The following SCARB1 variants were observed in gnomAD, a reference collection of about 807,000 sequenced individuals.
SCARB1 encodes scavenger receptor class B member 1.
A neutral mutation model predicts 57.2 loss-of-function variants in SCARB1; 30 were observed. The ratio of observed to expected loss-of-function variants is 0.52; its 90% CI spans 0.39 to 0.71. SCARB1 has a LOEUF of 0.71. Ranked by LOEUF, SCARB1 falls within the 30% of genes least tolerant of loss-of-function variation. The pLI is 0.00. For synonymous variants in SCARB1, 249 were observed against 268.3 expected (o/e 0.93, Z 0.70); for missense variants, 543 against 671.2 (o/e 0.81, Z 2.11).
intron 11 of SCARB1, chr12:124,785,260 C>T (rs1290688067): frequency 2.0e-5 from 3 of 152,544 alleles, no homozygotes; most frequent in African/African-American, 7.2e-5. Flanking sequence ...ATGCCTCTGT[C>T]ACTCCCAGAA....
intron 11 of SCARB1, 40 bp from the exon 12 acceptor site, chr12:124,782,851 C>G: frequency 6.2e-7 from 1 of 1,612,132 alleles, no homozygotes; most frequent in South Asian, 1.1e-5. Flanking sequence ...GACGTTGAAG[C>G]CACATAAAAA....
intron 1 of SCARB1, among the ~76,000 whole-genome samples, chr12:124,854,055 G>A (rs1348275410): frequency 6.6e-6 from 1 of 152,216 alleles, no homozygotes; most frequent in Non-Finnish European, 1.5e-5. Context: ...ATTCTCATGG[G>A]GAGAAATAGA....
intron 1 of SCARB1, among the ~76,000 whole-genome samples, chr12:124,833,434 C>T (rs764743449): frequency 6.6e-6 from 1 of 152,170 alleles, no homozygotes; most frequent in Non-Finnish European, 1.5e-5. Context: ...AAAAATCTCC[C>T]ACCTTGGCCT....
At chr12:124,811,504 C>G (rs1950525926) in intron 5 of SCARB1, among the ~76,000 whole-genome samples, 1 of 152,162 alleles carries the variant, frequency 6.6e-6, no homozygotes, top group Non-Finnish European at 1.5e-5. Flanking sequence ...AACTCCTGAC[C>G]TCAGGTGATC....
chr12:124,826,409 T>C (rs1951165306), intron 1 of SCARB1, among the ~76,000 whole-genome samples: 1 of 151,728 alleles, frequency 6.6e-6, no homozygotes, highest in Non-Finnish European at 1.5e-5. Context: ...ATCATTTCAC[T>C]ATGTGTGTGT....
rs1872728704 is a variant in SCARB1, at chr12:124,778,488, C to A, written c.*99G>T. On this transcript the variant is annotated 3_prime_UTR_variant, in exon 13 of 13. Coordinates refer to ENST00000261693, the MANE Select transcript of SCARB1 (RefSeq NM_005505.5). ...AGGCTCAGGCTGTGGGGCTGGGGGG[C>A]TGTCCGCTGGGAGAGTCCGGGAGAA... is the stretch of plus-strand genomic sequence containing the variant. The A allele has an allele frequency of 7.4e-7, 1 of 1,347,884 alleles. No homozygotes were observed. Among genetic ancestry groups the A allele is most frequent in the Non-Finnish European group, 9.5e-7 (1 of 1,047,688 alleles). The allele number at this position is 1,347,884 out of a possible 1,614,324, so 83.5% of individuals were successfully genotyped here.
chr12:124,799,613 A>G (rs970679761), intron 8 of SCARB1, among the ~76,000 whole-genome samples: 3 of 152,136 alleles, frequency 2.0e-5, no homozygotes, highest in African/African-American at 7.2e-5. Context: ...TTCTGAATCA[A>G]TGGTAGCAGC....
intron 1 of SCARB1, among the ~76,000 whole-genome samples, chr12:124,845,225 C>T (rs987126327): frequency 9.8e-5 from 15 of 152,302 alleles, no homozygotes; most frequent in African/African-American, 3.6e-4. Flanking sequence ...AGCCCAGACG[C>T]CCATCCACAG....
At chr12:124,786,223 C>A (rs745561499) in intron 11 of SCARB1, 134 bp downstream of exon 11, 1 of 1,598,226 alleles carries the variant, frequency 6.3e-7, no homozygotes. Context: ...GCTCCCACTC[C>A]GGCAGAGACG....
intron 1 of SCARB1, among the ~76,000 whole-genome samples, chr12:124,849,166 T>C (rs1774407708): frequency 6.6e-6 from 1 of 152,204 alleles, no homozygotes; most frequent in African/African-American, 2.4e-5. Flanking sequence ...AAAGTCCATA[T>C]GCTGGGGTCC....
Position 124,817,353 on chromosome 12 carries a change from TAAAAAAAAA to T in SCARB1, c.284+188_284+196del, listed in dbSNP as rs60063887. Among the ~76,000 whole-genome samples the T allele has an allele frequency of 1.3e-3, 90 of 68,772 alleles. No individual in the cohort carries two copies. The highest frequency in any genetic ancestry group is 2.1e-3 in the Non-Finnish European group (77 of 37,542). The allele number at this position is 68,772 out of a possible 152,430, so 45.1% of individuals were successfully genotyped here. ...GGGCAACATAGCAAGATCCCATCTCTAAAAAAAAAAAAAAAAAAAAAAAAAACCCTAAAA... is the reference window on the plus strand; with the variant it reads ...GGGCAACATAGCAAGATCCCATCTCTAAAAAAAAAAAAAAAAACCCTAAAA... On this transcript the variant is annotated intron_variant, in intron 2 of 12. Transcript: ENST00000261693. The surrounding 1 kb of genome is among the most constrained non-coding windows in gnomAD (Gnocchi z 4.8).
chr12:124,782,047 A>G (rs1873581532), intron 12 of SCARB1, among the ~76,000 whole-genome samples: 1 of 152,140 alleles, frequency 6.6e-6, no homozygotes, highest in Non-Finnish European at 1.5e-5. Flanking sequence ...CTGGGATTAC[A>G]AGCGTGTGCC....
At chr12:124,823,378 T>C (rs1482901767) in intron 1 of SCARB1, among the ~76,000 whole-genome samples, 1 of 152,202 alleles carries the variant, frequency 6.6e-6, no homozygotes, top group African/African-American at 2.4e-5. Flanking sequence ...AACAAGCTCA[T>C]GAAAAGGTGC....
intron 1 of SCARB1, among the ~76,000 whole-genome samples, chr12:124,847,404 T>C (rs1283192013): frequency 6.6e-6 from 1 of 152,202 alleles, no homozygotes; most frequent in Non-Finnish European, 1.5e-5. Flanking sequence ...GGCACAAGAA[T>C]TTCCACAAGG....
At chr12:124,831,889 G>T (rs115120647) in intron 1 of SCARB1, among the ~76,000 whole-genome samples, 317 of 152,254 alleles carry the variant, frequency 2.1e-3, no homozygotes, top group African/African-American at 7.1e-3. Flanking sequence ...CAGCAGAGGG[G>T]CGTCCTGCAA....
Position 124,833,193 on chromosome 12 carries a change from C to T in SCARB1, c.127-15486G>A, listed in dbSNP as rs1381088745. ...TCATCTCCCATCTCAAGATCCTTAA[C>T]TTTTTTTTTTTTTTTGAGACAGGGT... is the stretch of plus-strand genomic sequence containing the variant. On this transcript the variant is annotated intron_variant, in intron 1 of 12. Coordinates refer to ENST00000261693, the MANE Select transcript of SCARB1 (RefSeq NM_005505.5). Among the ~76,000 whole-genome samples, 4 of 141,408 alleles carry T rather than the reference C, an allele frequency of 2.8e-5. No homozygotes were observed. In the South Asian group the frequency reaches 9.1e-4, roughly 32 times the overall value. 92.8% of individuals were successfully genotyped at this position (141,408 alleles called of 152,430 possible).
At chr12:124,837,812 G>A (rs1292816811) in intron 1 of SCARB1, among the ~76,000 whole-genome samples, 1 of 152,148 alleles carries the variant, frequency 6.6e-6, no homozygotes, top group Non-Finnish European at 1.5e-5. Context: ...AGTAAGGTGG[G>A]AGGATAACGA....
At chr12:124,799,352 G>A (rs534169327) in intron 8 of SCARB1, among the ~76,000 whole-genome samples, 2 of 151,910 alleles carry the variant, frequency 1.3e-5, no homozygotes, top group East Asian at 1.9e-4. Flanking sequence ...TGGCAAAACC[G>A]CGTCTCTACA....
intron 12 of SCARB1, among the ~76,000 whole-genome samples, chr12:124,780,164 C>A (rs1047650975): frequency 6.6e-6 from 1 of 152,094 alleles, no homozygotes; most frequent in Non-Finnish European, 1.5e-5. Flanking sequence ...ATGGACTTGG[C>A]GTGGAAGAAA....
Sources: allele counts gnomAD v4.1 joint callset (sites outside exome capture counted in the v4.1 genomes callset), GRCh38; gene constraint gnomAD v4.1.1; non-coding constraint Gnocchi (gnomAD v3.1); transcripts MANE v1.5; gene names NCBI Gene and HGNC (gene_info 2026-07-23, HGNC 2026-07-21).